The following WARS2 variants were observed in gnomAD, a reference collection of about 807,000 sequenced individuals.
The protein encoded by WARS2 is tryptophanyl tRNA synthetase 2, mitochondrial.
Under a neutral mutation model 36.5 loss-of-function variants are expected in WARS2, and 28 were observed. The observed-to-expected ratio is 0.77, with a 90% CI of 0.57 to 1.05. WARS2 has a LOEUF of 1.05. Among genes scored for constraint, WARS2 ranks in the 50% least tolerant of loss-of-function variants. The pLI, the probability that WARS2 is intolerant of heterozygous loss-of-function variation, is 0.00. For synonymous variants in WARS2, 174 were observed against 178.4 expected (o/e 0.98, Z 0.20); for missense variants, 435 against 456.8 (o/e 0.95, Z 0.44).
At chr1:119,057,785 T>A (rs990172465) in intron 2 of WARS2, among the ~76,000 whole-genome samples, 1 of 151,588 alleles carries the variant, frequency 6.6e-6, no homozygotes, top group Non-Finnish European at 1.5e-5. Flanking sequence ...CAAGACTCCA[T>A]CTGAGAAGAA....
chr1:119,093,275 C>A (rs1341965618), intron 1 of WARS2, among the ~76,000 whole-genome samples: 1 of 151,662 alleles, frequency 6.6e-6, no homozygotes, highest in East Asian at 1.9e-4. Context: ...CACTGAAAAA[C>A]CACTGAGTAA....
At chr1:119,104,993 T>C (rs1449101673) in intron 1 of WARS2, among the ~76,000 whole-genome samples, 7 of 152,202 alleles carry the variant, frequency 4.6e-5, no homozygotes, top group Non-Finnish European at 1.0e-4. Context: ...CAAAGATTAC[T>C]CTGGCCTCTA....
chr1:119,109,030 T>TCTTTCTGTTACTGACTA (rs1553247205), intron 1 of WARS2, among the ~76,000 whole-genome samples: 2 of 151,952 alleles, frequency 1.3e-5, no homozygotes, highest in Non-Finnish European at 2.9e-5. Flanking sequence ...TTTTCCAGCA[T>TCTTTCTGTTACTGACTA]CTTTCTGTTA....
At chr1:119,033,432 AGACAGTTCCC>A (rs1341414434) in intron 5 of WARS2, 73 bp from the exon 6 acceptor site, 2 of 1,566,358 alleles carry the variant, frequency 1.3e-6, no homozygotes, top group African/African-American at 2.7e-5. Flanking sequence ...ATGTACACAC[AGACAGTTCCC>A]AACTTGCAAT....
intron 1 of WARS2, among the ~76,000 whole-genome samples, chr1:119,125,255 A>C (rs1293859862): frequency 4.6e-5 from 7 of 151,952 alleles, no homozygotes; most frequent in African/African-American, 1.5e-4. Flanking sequence ...ACATGTTCTC[A>C]CCACCTTCAG....
intron 1 of WARS2, among the ~76,000 whole-genome samples, chr1:119,101,490 T>C (rs1328463852): frequency 6.6e-6 from 1 of 152,184 alleles, no homozygotes; most frequent in African/African-American, 2.4e-5. Context: ...CATAATTACT[T>C]TTCTGTTTAT....
intron 1 of WARS2, among the ~76,000 whole-genome samples, chr1:119,095,312 TTA>T (rs1230518986): frequency 1.3e-5 from 2 of 152,228 alleles, no homozygotes; most frequent in Non-Finnish European, 2.9e-5. Flanking sequence ...ACTTAGTAGT[TTA>T]GTCTCTCAAT....
chr1:119,057,018 C>T (rs1649875302), intron 2 of WARS2, among the ~76,000 whole-genome samples: 1 of 152,132 alleles, frequency 6.6e-6, no homozygotes, highest in Non-Finnish European at 1.5e-5. Flanking sequence ...TCTCAACATA[C>T]TTACCAAAGC....
At chr1:119,103,028 T>C (rs587599111) in intron 1 of WARS2, among the ~76,000 whole-genome samples, 59 of 152,354 alleles carry the variant, frequency 3.9e-4, no homozygotes, top group African/African-American at 1.4e-3. Context: ...AGCAGTTTTC[T>C]ACTTTTTTTT....
chr1:119,063,050 C>G (rs1443785028), intron 2 of WARS2: 1 of 152,364 alleles, frequency 6.6e-6, no homozygotes, highest in East Asian at 1.9e-4. Context: ...TTCCTAGAGA[C>G]TTGTTGAATG....
At chr1:119,140,466 G>T in intron 1 of WARS2, 89 bp downstream of exon 1, 1 of 1,224,782 alleles carries the variant, frequency 8.2e-7, no homozygotes. Flanking sequence ...TCCCTAAGAA[G>T]CGGGAGGAGA....
intron 1 of WARS2, among the ~76,000 whole-genome samples, chr1:119,101,528 C>G (rs1468504296): frequency 1.3e-5 from 2 of 151,994 alleles, no homozygotes; most frequent in Non-Finnish European, 2.9e-5. Flanking sequence ...AGACTATAAG[C>G]CTATTTATGT....
chr1:119,097,019 C>A (rs1177169474), intron 1 of WARS2, among the ~76,000 whole-genome samples: 2 of 152,218 alleles, frequency 1.3e-5, no homozygotes. Flanking sequence ...CTGTTACTAT[C>A]AAATAATTAT....
At chr1:119,055,012 A>T (rs1469565598) in intron 2 of WARS2, among the ~76,000 whole-genome samples, 1 of 152,220 alleles carries the variant, frequency 6.6e-6, no homozygotes, top group African/African-American at 2.4e-5. Flanking sequence ...AGAACTTTAT[A>T]CTTATAAATG....
chr1:119,040,635 A>T (rs1648271935), intron 4 of WARS2, among the ~76,000 whole-genome samples: 1 of 152,244 alleles, frequency 6.6e-6, no homozygotes, highest in Non-Finnish European at 1.5e-5. Flanking sequence ...ATAAAGAAGT[A>T]GGCCTTGAAA....
chr1:119,040,044 A>G (rs1402375276), intron 4 of WARS2, among the ~76,000 whole-genome samples: 1 of 152,258 alleles, frequency 6.6e-6, no homozygotes, highest in Non-Finnish European at 1.5e-5. Flanking sequence ...TCTCTGTTAT[A>G]GGGAAAACAA....
At chr1:119,077,654 T>C (rs1651853302) in intron 1 of WARS2, among the ~76,000 whole-genome samples, 1 of 152,154 alleles carries the variant, frequency 6.6e-6, no homozygotes. Context: ...ATTTTAATTC[T>C]ACATAATTAT....
At chr1:119,077,529 AC>A (rs1200089178) in intron 1 of WARS2, among the ~76,000 whole-genome samples, 6 of 152,234 alleles carry the variant, frequency 3.9e-5, no homozygotes, top group Middle Eastern at 3.4e-3. Context: ...AAATTAGAAA[AC>A]ATACACTCTA....
intron 2 of WARS2, among the ~76,000 whole-genome samples, chr1:119,061,145 C>A: frequency 6.6e-6 from 1 of 151,992 alleles, no homozygotes; most frequent in East Asian, 1.9e-4. Context: ...TTAAAATATT[C>A]AAGATACTAG....
Sources: gnomAD v4.1 joint callset for allele counts (sites outside exome capture counted in the v4.1 genomes callset) on GRCh38, gnomAD v4.1.1 for gene constraint, MANE v1.5 for transcripts, NCBI Gene and HGNC (gene_info 2026-07-23, HGNC 2026-07-21) for gene names.